CBX6: variants seen among roughly 807,000 people sequenced by gnomAD.
CBX6 encodes the protein chromobox 6.
Under a neutral mutation model 28.4 loss-of-function variants are expected in CBX6, and 7 were observed. The observed-to-expected ratio is 0.25, with a 90% CI of 0.14 to 0.46. The LOEUF is 0.46. CBX6 is among the 20% of genes least tolerant of loss of function. CBX6 has a pLI of 0.99. For synonymous variants in CBX6, 297 were observed against 273.4 expected (o/e 1.09, Z -0.85); for missense variants, 512 against 606.1 (o/e 0.84, Z 1.63).
chr22:38,871,144 G>T lies in CBX6; in HGVS notation c.246+336C>A. ...CCCCTGGGTTCCAACTCCCAGCACA[G>T]TCATAACAGCTCAAACAAATGCCCC... On this transcript the variant is annotated intron_variant, in intron 4 of 4. Transcript: ENST00000407418. This position sits in a 1 kb window ranked among gnomAD's most constrained non-coding sequence, Gnocchi z 5.6. 2.5e-6 allele frequency: 1 copy of T among 395,458 alleles called. No homozygotes were observed. Among genetic ancestry groups the T allele is most frequent in the Non-Finnish European group, 4.6e-6 (1 of 217,060 alleles). 24.5% of individuals were successfully genotyped at this position (395,458 alleles called of 1,614,324 possible).
Position 38,867,054 on chromosome 22 carries a change from G to A in CBX6, c.394C>T (p.Arg132Cys). 6.2e-7 allele frequency: 1 copy of A among 1,605,892 alleles called. No individual in the cohort carries two copies. The highest frequency in any genetic ancestry group is 8.5e-7 in the Non-Finnish European group (1 of 1,177,594). Residue 132 changes from arginine to cysteine, a missense_variant, in exon 5 of 5, where the codon CGT (arginine) becomes TGT (cysteine). Physicochemically the swap from Arg to Cys is radical, Grantham distance 180. This residue lies in a region of CBX6 where 123 missense variants were observed against 138.1 expected (regional missense o/e 0.89). Coordinates refer to ENST00000407418, the MANE Select transcript of CBX6 (RefSeq NM_014292.5). Reference sequence around the variant, plus strand: ...TGCGGGTCCGGGCGGGGCAGGGGACGGCGGGACATACGGTGGCAGCGGCGG... The same window carrying A: ...TGCGGGTCCGGGCGGGGCAGGGGACAGCGGGACATACGGTGGCAGCGGCGG... The part of the protein sequence containing the change: ...DIRRCHRMSR[R>C]PLPRPDPQGG...
chr22:38,867,244 G>A, intron 4 of CBX6, 43 bp from the exon 5 acceptor site: 1 of 1,506,006 alleles, frequency 6.6e-7, no homozygotes, highest in Non-Finnish European at 8.9e-7. Flanking sequence ...AGGACTGCCC[G>A]CTGACCTCCC....
In CBX6 at chr22:38,871,219, C is replaced by T; in HGVS notation, c.246+261G>A. 1 of 574,518 alleles carries T rather than the reference C, an allele frequency of 1.7e-6. No individual in the cohort carries two copies. The highest frequency in any genetic ancestry group is 3.1e-6 in the Non-Finnish European group (1 of 325,848). 35.6% of individuals were successfully genotyped at this position (574,518 alleles called of 1,614,324 possible). A position where few individuals can be genotyped will look rare whatever the true frequency, so the allele number is the denominator to read the frequency against. On this transcript the variant is annotated intron_variant, in intron 4 of 4. Coordinates refer to ENST00000407418, the MANE Select transcript of CBX6 (RefSeq NM_014292.5). The surrounding 1 kb of genome is among the most constrained non-coding windows in gnomAD (Gnocchi z 5.6). ...CCTCAGCCACCCCCTTTCCTGGAGC[C>T]CTAAAGGCATCCCCAGCCCCTGGTT...
Position 38,866,105 on chromosome 22 carries a change from G to T in CBX6, c.*104C>A. On this transcript the variant is annotated 3_prime_UTR_variant, in exon 5 of 5. Coordinates refer to ENST00000407418, the MANE Select transcript of CBX6 (RefSeq NM_014292.5). This position sits in a 1 kb window ranked among gnomAD's most constrained non-coding sequence, Gnocchi z 7.5. ...GTCAACACCGAGCCATTTGAGACAA[G>T]CAAAGCACAGGGAGAGAGGGCTGGG... 1 of 899,154 alleles carries T rather than the reference G, an allele frequency of 1.1e-6. No individual in the cohort carries two copies. Among genetic ancestry groups the T allele is most frequent in the Non-Finnish European group, 1.7e-6 (1 of 601,352 alleles). 55.7% of individuals were successfully genotyped at this position (899,154 alleles called of 1,614,324 possible).
Position 38,864,729 on chromosome 22 carries a change from G to A in CBX6, c.*1480C>T, listed in dbSNP as rs1009232032. Reference sequence around the variant, plus strand: ...ACGTGCTTCTGAGGGAGGGGCCCATGGCAGCACAGCCAGGAAGCCAGCTCC... The same window carrying A: ...ACGTGCTTCTGAGGGAGGGGCCCATAGCAGCACAGCCAGGAAGCCAGCTCC... On this transcript the variant is annotated 3_prime_UTR_variant, in exon 5 of 5. Coordinates refer to ENST00000407418, the MANE Select transcript of CBX6 (RefSeq NM_014292.5). 2.6e-5 allele frequency: 4 copies of A among 152,552 alleles called. No individual in the cohort carries two copies. The highest frequency in any genetic ancestry group is 9.6e-5 in the African/African-American group (4 of 41,474). 9.4% of individuals were successfully genotyped at this position (152,552 alleles called of 1,614,324 possible). A position where few individuals can be genotyped will look rare whatever the true frequency, so the allele number is the denominator to read the frequency against.
chr22:38,863,896 C>G lies in CBX6; in HGVS notation c.*2313G>C, dbSNP rs888283505. ...GAACAGAAGGGGGCAAGAAACCAAACTGCCCACTCACCAGCCCCCTGGAGA... is the reference window on the plus strand; with the variant it reads ...GAACAGAAGGGGGCAAGAAACCAAAGTGCCCACTCACCAGCCCCCTGGAGA... On this transcript the variant is annotated 3_prime_UTR_variant, in exon 5 of 5. Transcript: ENST00000407418. 6.6e-6 allele frequency: 1 copy of G among 152,280 alleles called. No homozygotes were observed. Among genetic ancestry groups the G allele is most frequent in the South Asian group, 2.1e-4 (1 of 4,838 alleles). 9.4% of individuals were successfully genotyped at this position (152,280 alleles called of 1,614,324 possible).
Position 38,871,536 on chromosome 22 carries a change from G to T in CBX6, c.190C>A (p.Arg64Ser), listed in dbSNP as rs367836108. 2.9e-5 allele frequency: 46 copies of T among 1,613,556 alleles called. No homozygotes were observed. The highest frequency in any genetic ancestry group is 3.8e-5 in the Non-Finnish European group (45 of 1,179,828). The change falls in exon 4 of 5, where the codon CGT becomes AGT. Residue 64 changes from arginine (R) to serine (S), a missense_variant. This residue lies in a region of CBX6 where 20 missense variants were observed against 70.3 expected (regional missense o/e 0.28). Transcript: ENST00000407418. This position sits in a 1 kb window ranked among gnomAD's most constrained non-coding sequence, Gnocchi z 5.6. Reference sequence around the variant, plus strand: ...CTCTTCTTGGGCCCATACAGCTCACGCTCCCTCTCCCTGCGGCCGAAAAAC... The same window carrying T: ...CTCTTCTTGGGCCCATACAGCTCACTCTCCCTCTCCCTGCGGCCGAAAAAC... ...IAAFEQKERERELYGPKKRGP... is the reference protein window; with the variant it reads ...IAAFEQKERESELYGPKKRGP...
At chr22:38,867,239 T>C (rs1003700447) in intron 4 of CBX6, 38 bp from the exon 5 acceptor site, 2 of 1,511,972 alleles carry the variant, frequency 1.3e-6, no homozygotes, top group African/African-American at 2.8e-5. Context: ...ACCTCAGGAC[T>C]GCCCGCTGAC....
At position 38,866,423 on chromosome 22, in the gene CBX6, G is replaced by C. The variant is rs777266584; in HGVS notation, c.1025C>G (p.Thr342Arg). 1.2e-6 allele frequency: 2 copies of C among 1,611,006 alleles called. No homozygotes were observed. Among genetic ancestry groups the C allele is most frequent in the South Asian group, 1.1e-5 (1 of 90,992 alleles). ...GGAGGCACCGGCGGGCTCAGGGGCC[G>C]TGGGAGGTGCCGGGCCGGCAGCAGC... ...VTAAAGPAPP[T>R]APEPAGASSE... is the part of the protein sequence containing the mutation. Residue 342 changes from threonine (T) to arginine (R), a missense_variant, in exon 5 of 5, where the codon ACG becomes AGG. By Grantham distance (71) the Thr-to-Arg change is moderately conservative. This residue lies in a region of CBX6 where 290 missense variants were observed against 274.1 expected (regional missense o/e 1.06). Coordinates refer to ENST00000407418, the MANE Select transcript of CBX6 (RefSeq NM_014292.5). This position sits in a 1 kb window ranked among gnomAD's most constrained non-coding sequence, Gnocchi z 7.5.
chr22:38,867,228 G>GGGGGGCTTGGGGTGGGGGGGGGGGC, intron 4 of CBX6, 27 bp from the exon 5 acceptor site: 1 of 518,866 alleles, frequency 1.9e-6, no homozygotes, highest in Non-Finnish European at 3.6e-6. Flanking sequence ...GGGTGGGTGG[G>GGGGGGCTTGGGGTGGGGGGGGGGGC]ACCTCAGGAC....
rs994352563 is a variant in CBX6, at chr22:38,866,203, G to C, written c.*6C>G. On this transcript the variant is annotated 3_prime_UTR_variant, in exon 5 of 5. Transcript: ENST00000407418. The surrounding 1 kb of genome is among the most constrained non-coding windows in gnomAD (Gnocchi z 7.5). ...CCCCCAAGCCCCCCTCCTTGGTGGA[G>C]CCCCCTCACTTGCTCGCCCCAATGC... 3 of 1,585,974 alleles carry C rather than the reference G, an allele frequency of 1.9e-6. No individual in the cohort carries two copies. The highest frequency in any genetic ancestry group is 2.7e-5 in the African/African-American group (2 of 74,328).
rs574956217 is a variant in CBX6, at chr22:38,861,460, G to A, written c.*4749C>T. On this transcript the variant is annotated 3_prime_UTR_variant, in exon 5 of 5. Coordinates refer to ENST00000407418, the MANE Select transcript of CBX6 (RefSeq NM_014292.5). ...AGACACACCCCAACCTAGGGGCTAGGCCTCAGCTTCGGAATGTGACAATTT... is the reference window on the plus strand; with the variant it reads ...AGACACACCCCAACCTAGGGGCTAGACCTCAGCTTCGGAATGTGACAATTT... 2.6e-5 allele frequency: 4 copies of A among 152,334 alleles called. No individual in the cohort carries two copies. In the East Asian group the frequency reaches 7.7e-4, roughly 29 times the overall value. The allele number at this position is 152,334 out of a possible 1,614,324, so 9.4% of individuals were successfully genotyped here. A position where few individuals can be genotyped will look rare whatever the true frequency, so the allele number is the denominator to read the frequency against.
chr22:38,867,228 G>GGTGGGGGGC, intron 4 of CBX6, 27 bp from the exon 5 acceptor site: 14 of 518,818 alleles, frequency 2.7e-5, no homozygotes, highest in Non-Finnish European at 3.2e-5. Flanking sequence ...GGGTGGGTGG[G>GGTGGGGGGC]ACCTCAGGAC....
chr22:38,866,244 C>T lies in CBX6; in HGVS notation c.1204G>A (p.Ala402Thr), dbSNP rs1568994995. 5.0e-6 allele frequency: 8 copies of T among 1,612,628 alleles called. No individual in the cohort carries two copies. Among genetic ancestry groups the T allele is most frequent in the Middle Eastern group, 3.4e-4 (2 of 5,946 alleles). Residue 402 changes from alanine (A) to threonine (T), a missense_variant, in exon 5 of 5, where the codon GCT becomes ACT. Around this residue, in one of 7 missense-constraint regions of CBX6, gnomAD observed 33 missense variants for 35.3 expected, o/e 0.94. Transcript: ENST00000407418. The surrounding 1 kb of genome is among the most constrained non-coding windows in gnomAD (Gnocchi z 7.5). ...GCCCCAATGCTGCCACCGCCCCCAG[C>T]GGCGCCTGCTACCCCAGCAGCCACC... is the stretch of plus-strand genomic sequence containing the variant. ...EKVAAGVAGA[A>T]GGGGSIGASK
rs1367854770 is a variant in CBX6 at position 38,862,547 on chromosome 22, A to AAAG, written c.*3659_*3661dup. ...AAAAAAAAAAAAAAAAAAAAAAAAG[A>AAAG]AAGAAAGAAAAAAGAAAAACAAAAG... On this transcript the variant is annotated 3_prime_UTR_variant, in exon 5 of 5. Transcript: ENST00000407418. 6.8e-5 allele frequency: 2 copies of AAAG among 29,222 alleles called. No homozygotes were observed. The highest frequency in any genetic ancestry group is 2.0e-4 in the Non-Finnish European group (2 of 9,826). 1.8% of individuals were successfully genotyped at this position (29,222 alleles called of 1,614,324 possible).
chr22:38,871,277 C>G lies in CBX6; in HGVS notation c.246+203G>C, dbSNP rs191084151. 88 of 656,118 alleles carry G rather than the reference C, an allele frequency of 1.3e-4. 1 individual carries two copies. In the East Asian group the frequency reaches 2.2e-3, roughly 17 times the overall value. 40.6% of individuals were successfully genotyped at this position (656,118 alleles called of 1,614,324 possible). ...GGAGGATTATCCCCAGTCCCAAAAC[C>G]CTCTTGTTGAAGCTGATGCTGGCTG... On this transcript the variant is annotated intron_variant, in intron 4 of 4. Coordinates refer to ENST00000407418, the MANE Select transcript of CBX6 (RefSeq NM_014292.5). This position sits in a 1 kb window ranked among gnomAD's most constrained non-coding sequence, Gnocchi z 5.6.
At chr22:38,867,228 G>GGGGGGGGGGGGGGC in intron 4 of CBX6, 27 bp from the exon 5 acceptor site, 17 of 518,838 alleles carry the variant, frequency 3.3e-5, no homozygotes, top group East Asian at 1.5e-4. Context: ...GGGTGGGTGG[G>GGGGGGGGGGGGGGC]ACCTCAGGAC....
rs1028441336 is a variant in CBX6, at chr22:38,866,534, G to C, written c.914C>G (p.Pro305Arg). ...LLPETVSPSAPSWREPEVLDL... is the reference protein window; with the variant it reads ...LLPETVSPSARSWREPEVLDL... ...GAGCACCTCCGGCTCGCGCCAGCTG[G>C]GGGCGGATGGGCTCACGGTCTCGGG... The change falls in exon 5 of 5, where the codon CCC becomes CGC. Residue 305 changes from proline (P) to arginine (R), a missense_variant. Transcript: ENST00000407418. This position sits in a 1 kb window ranked among gnomAD's most constrained non-coding sequence, Gnocchi z 7.5. 1 of 1,580,324 alleles carries C rather than the reference G, an allele frequency of 6.3e-7. No homozygotes were observed. Among genetic ancestry groups the C allele is most frequent in the Non-Finnish European group, 8.5e-7 (1 of 1,170,350 alleles).
chr22:38,865,724 G>A lies in CBX6; in HGVS notation c.*485C>T, dbSNP rs2093167821. The A allele has an allele frequency of 6.2e-6, 1 of 162,530 alleles. No homozygotes were observed. The highest frequency in any genetic ancestry group is 2.4e-5 in the African/African-American group (1 of 41,614). The allele number at this position is 162,530 out of a possible 1,614,324, so 10.1% of individuals were successfully genotyped here. A position where few individuals can be genotyped will look rare whatever the true frequency, so the allele number is the denominator to read the frequency against. ...TGATGTGGAGGGAGGAGCCGAGTCA[G>A]GCCTCATCCTTGGCCTCTGCCTGGG... On this transcript the variant is annotated 3_prime_UTR_variant, in exon 5 of 5. Coordinates refer to ENST00000407418, the MANE Select transcript of CBX6 (RefSeq NM_014292.5).
Sources: allele counts gnomAD v4.1 joint callset, GRCh38; gene constraint gnomAD v4.1.1; regional missense constraint gnomAD v4.1.1; non-coding constraint Gnocchi (gnomAD v3.1); transcripts MANE v1.5; gene names NCBI Gene and HGNC (gene_info 2026-07-23, HGNC 2026-07-21).